CLVS1: variants seen among roughly 807,000 people sequenced by gnomAD.
CLVS1 encodes the protein clavesin 1.
CLVS1 carries 10 observed loss-of-function variants against 33.1 expected under a neutral mutation model. The ratio of observed to expected loss-of-function variants is 0.30; its 90% CI spans 0.19 to 0.51. The LOEUF is 0.51. Among genes scored for constraint, CLVS1 ranks in the 20% least tolerant of loss-of-function variants. CLVS1 has a pLI of 0.97. For missense variants in CLVS1, 343 were observed against 433.4 expected (o/e 0.79, Z 1.85); for synonymous variants, 163 against 166.1 (o/e 0.98, Z 0.14).
chr8:61,177,444 C>T (rs1807136260), intron 2 of CLVS1, among the ~76,000 whole-genome samples: 1 of 152,146 alleles, frequency 6.6e-6, no homozygotes, highest in Non-Finnish European at 1.5e-5. Flanking sequence ...GAGTAAGATT[C>T]CCCCCAGTGC....
At chr8:61,268,416 T>G (rs1361116670) in intron 2 of CLVS1, among the ~76,000 whole-genome samples, 3 of 151,518 alleles carry the variant, frequency 2.0e-5, no homozygotes, top group Non-Finnish European at 4.4e-5. Flanking sequence ...CAGTCTATCA[T>G]TGTTGGACAT....
chr8:61,405,849 GAAGATAGTTTTGACCCTGTGGCACCTCT>G (rs538120389), intron 3 of CLVS1, among the ~76,000 whole-genome samples: 197 of 152,132 alleles, frequency 1.3e-3, no homozygotes, highest in Non-Finnish European at 1.5e-3. Context: ...ATATCATTAT[GAAGATAGTTTTGACCCTGTGGCACCTCT>G]AAAGTGGTCT....
intron 1 of CLVS1, among the ~76,000 whole-genome samples, chr8:61,092,532 C>T (rs1374499132): frequency 6.6e-6 from 1 of 152,204 alleles, no homozygotes. Context: ...TAGGTGTTTG[C>T]AAAGTTTCCT....
intron 5 of CLVS1, among the ~76,000 whole-genome samples, chr8:61,474,204 A>G (rs915012873): frequency 6.6e-6 from 1 of 152,206 alleles, no homozygotes; most frequent in Non-Finnish European, 1.5e-5. Context: ...GGTGTTGCAG[A>G]AGCCAAAGGA....
intron 1 of CLVS1, among the ~76,000 whole-genome samples, chr8:61,066,061 T>C (rs761064177): frequency 6.6e-6 from 1 of 152,218 alleles, no homozygotes; most frequent in Non-Finnish European, 1.5e-5. Flanking sequence ...AACATATGTA[T>C]GAAGATCAGG....
intron 2 of CLVS1, 138 bp from the exon 3 acceptor site, chr8:61,376,467 C>T (rs1436779243): frequency 2.8e-6 from 2 of 702,758 alleles, no homozygotes; most frequent in Non-Finnish European, 4.7e-6. Context: ...TTTTCAGTCC[C>T]TTTGGGTACA....
At chr8:61,416,392 G>T (rs1257169432) in intron 3 of CLVS1, among the ~76,000 whole-genome samples, 3 of 151,980 alleles carry the variant, frequency 2.0e-5, no homozygotes, top group African/African-American at 4.8e-5. Context: ...AACAATAGGT[G>T]GGGAAAATAA....
the CLVS1 span, among the ~76,000 whole-genome samples, chr8:61,019,792 A>C: frequency 1.4e-4 from 21 of 152,106 alleles, no homozygotes; most frequent in South Asian, 4.4e-3. Context: ...ATCATCCTGC[A>C]ATTGTACCTT....
chr8:60,972,687 A>G, the CLVS1 span, among the ~76,000 whole-genome samples: 2 of 152,186 alleles, frequency 1.3e-5, no homozygotes, highest in African/African-American at 4.8e-5. Context: ...GCCCCCACCC[A>G]TAAGTGGACT....
At chr8:61,165,641 AT>A (rs1806847977) in intron 2 of CLVS1, among the ~76,000 whole-genome samples, 1 of 152,162 alleles carries the variant, frequency 6.6e-6, no homozygotes, top group South Asian at 2.1e-4. Context: ...CTGTCTCTCA[AT>A]ATCACTGCCT....
chr8:61,165,119 G>A (rs560009120), intron 2 of CLVS1, among the ~76,000 whole-genome samples: 17 of 152,314 alleles, frequency 1.1e-4, no homozygotes, highest in East Asian at 5.8e-4. Context: ...GCACTTAGCC[G>A]TGCAGGAACA....
At chr8:60,996,093 C>G in the CLVS1 span, among the ~76,000 whole-genome samples, 2 of 151,792 alleles carry the variant, frequency 1.3e-5, no homozygotes, top group Non-Finnish European at 2.9e-5. Flanking sequence ...AGCGCACCAG[C>G]ATGGCACATG....
intron 2 of CLVS1, among the ~76,000 whole-genome samples, chr8:61,154,732 G>T (rs892744364): frequency 6.6e-6 from 1 of 152,164 alleles, no homozygotes. Flanking sequence ...TTAGAGGATG[G>T]CTGTGATAAT....
chr8:61,033,126 G>GAAAGAAAGAAA, the CLVS1 span, among the ~76,000 whole-genome samples: 17 of 68,730 alleles, frequency 2.5e-4, 1 homozygote, highest in African/African-American at 6.6e-4. Flanking sequence ...AAGGAAGAAA[G>GAAAGAAAGAAA]GAAAGAAAGA....
At chr8:61,016,167 C>T in the CLVS1 span, among the ~76,000 whole-genome samples, 3 of 152,136 alleles carry the variant, frequency 2.0e-5, no homozygotes, top group Non-Finnish European at 4.4e-5. Flanking sequence ...TGTATATGAA[C>T]CATAAAAACA....
intron 1 of CLVS1, among the ~76,000 whole-genome samples, chr8:61,120,160 C>G (rs1472733596): frequency 1.4e-5 from 2 of 145,786 alleles, no homozygotes; most frequent in Non-Finnish European, 3.0e-5. Flanking sequence ...TCCAGTTGAT[C>G]GCATCGGCTC....
intron 2 of CLVS1, among the ~76,000 whole-genome samples, chr8:61,176,780 C>A (rs982918820): frequency 5.9e-5 from 9 of 152,150 alleles, no homozygotes; most frequent in Admixed American, 5.9e-4. Flanking sequence ...AGTTAGCTTG[C>A]TACCCAGCCT....
At chr8:61,206,857 G>A (rs189230839) in intron 2 of CLVS1, among the ~76,000 whole-genome samples, 1 of 152,250 alleles carries the variant, frequency 6.6e-6, no homozygotes, top group African/African-American at 2.4e-5. Context: ...AAAGTGCTGG[G>A]ATTACAGGCA....
At chr8:61,236,633 T>C (rs1291800439) in intron 2 of CLVS1, among the ~76,000 whole-genome samples, 4 of 152,106 alleles carry the variant, frequency 2.6e-5, no homozygotes, top group African/African-American at 9.7e-5. Context: ...AGCCCATCTC[T>C]CCTCCCCATG....
Sources: allele counts gnomAD v4.1 joint callset (sites outside exome capture counted in the v4.1 genomes callset), GRCh38; gene constraint gnomAD v4.1.1; transcripts MANE v1.5; gene names NCBI Gene and HGNC (gene_info 2026-07-23, HGNC 2026-07-21).